DLG2: variants seen among roughly 807,000 people sequenced by gnomAD.
DLG2 encodes discs large MAGUK scaffold protein 2, also known as disks large homolog 2.
A neutral mutation model predicts 132.5 loss-of-function variants in DLG2; 45 were observed. The ratio of observed to expected loss-of-function variants is 0.34; its 90% confidence interval spans 0.27 to 0.44. DLG2 has a LOEUF of 0.44. Among genes scored for constraint, DLG2 ranks in the 20% least tolerant of loss-of-function variants. The pLI, the probability that DLG2 is intolerant of heterozygous loss-of-function variation, is 1.00. For synonymous variants in DLG2, 424 were observed against 419.6 expected, an observed-to-expected ratio of 1.01 and a Z score of -0.13; for missense variants, 1,045 against 1,196.9, an observed-to-expected ratio of 0.87 and a Z score of 1.87.
At chr11:85,192,091 C>T (rs575819659) in intron 4 of DLG2, among the ~76,000 whole-genome samples, 7 of 152,244 alleles carry the variant, frequency 4.6e-5, no homozygotes, top group Middle Eastern at 3.4e-3. Flanking sequence ...CAAATTTACA[C>T]GCTTATCATG....
intron 3 of DLG2, among the ~76,000 whole-genome samples, chr11:85,455,457 T>C (rs1442405145): frequency 2.0e-5 from 3 of 152,204 alleles, no homozygotes; most frequent in Admixed American, 2.0e-4. Flanking sequence ...TATTGAATCA[T>C]GTCATCTGCA....
At chr11:85,382,482 A>G (rs1430442083) in intron 3 of DLG2, among the ~76,000 whole-genome samples, 1 of 152,096 alleles carries the variant, frequency 6.6e-6, no homozygotes, top group Non-Finnish European at 1.5e-5. Context: ...GACACATCAA[A>G]AGCATAAGCA....
chr11:85,033,885 T>C (rs1026951384), intron 6 of DLG2, among the ~76,000 whole-genome samples: 2 of 152,144 alleles, frequency 1.3e-5, no homozygotes, highest in Non-Finnish European at 1.5e-5. Context: ...TCGTTAGATA[T>C]GTGAAAGAAT....
At chr11:84,267,763 T>C (rs886799940) in intron 7 of DLG2, among the ~76,000 whole-genome samples, 5 of 152,342 alleles carry the variant, frequency 3.3e-5, no homozygotes, top group Admixed American at 1.3e-4. Context: ...CTACATTTGT[T>C]TCATTCTTTT....
At chr11:84,846,571 C>G (rs73514991) in intron 6 of DLG2, among the ~76,000 whole-genome samples, 1,601 of 152,240 alleles carry the variant, frequency 0.011, 24 homozygotes, top group African/African-American at 0.036. Flanking sequence ...AATCCATTCT[C>G]TCCCTAGCAA....
chr11:83,606,605 C>T (rs2059361789), intron 19 of DLG2, among the ~76,000 whole-genome samples: 1 of 150,918 alleles, frequency 6.6e-6, no homozygotes, highest in Non-Finnish European at 1.5e-5. Flanking sequence ...AGAGCTACTG[C>T]TACTTGAAAA....
chr11:83,620,738 C>T (rs1391187196), intron 19 of DLG2, among the ~76,000 whole-genome samples: 1 of 149,978 alleles, frequency 6.7e-6, no homozygotes, highest in Non-Finnish European at 1.5e-5. Context: ...GGCGTAGTGG[C>T]GGGCGCCTGT....
chr11:83,862,794 A>G (rs2061663782), intron 16 of DLG2, among the ~76,000 whole-genome samples: 1 of 152,140 alleles, frequency 6.6e-6, no homozygotes, highest in Non-Finnish European at 1.5e-5. Flanking sequence ...ATTGGCTAGA[A>G]GTGGAGAAAA....
intron 10 of DLG2, among the ~76,000 whole-genome samples, chr11:84,082,721 A>C (rs1432757289): frequency 6.6e-6 from 1 of 152,230 alleles, no homozygotes; most frequent in African/African-American, 2.4e-5. Flanking sequence ...TTTTGGAGTC[A>C]AACAGACTGA....
chr11:85,395,926 G>T (rs2087311324), intron 3 of DLG2, among the ~76,000 whole-genome samples: 1 of 152,192 alleles, frequency 6.6e-6, no homozygotes, highest in African/African-American at 2.4e-5. Context: ...CTCTCAGCAT[G>T]GGGTTTGAGC....
chr11:84,028,151 C>CA (rs1023591712), intron 11 of DLG2, among the ~76,000 whole-genome samples: 3 of 151,254 alleles, frequency 2.0e-5, no homozygotes, highest in South Asian at 2.1e-4. Flanking sequence ...ATAACAGCAA[C>CA]AAAAAATCTC....
chr11:83,759,151 A>T (rs1247734817), intron 18 of DLG2, among the ~76,000 whole-genome samples: 1 of 152,252 alleles, frequency 6.6e-6, no homozygotes, highest in African/African-American at 2.4e-5. Context: ...GTAAAAAGTC[A>T]TAAGTGTCTA....
At chr11:84,871,530 T>C (rs2085458087) in intron 6 of DLG2, among the ~76,000 whole-genome samples, 1 of 152,160 alleles carries the variant, frequency 6.6e-6, no homozygotes, top group African/African-American at 2.4e-5. Flanking sequence ...CATAAGATTG[T>C]TGCTAAATAA....
At chr11:84,967,806 T>C (rs1210608686) in intron 6 of DLG2, among the ~76,000 whole-genome samples, 4 of 152,062 alleles carry the variant, frequency 2.6e-5, no homozygotes, top group Non-Finnish European at 5.9e-5. Flanking sequence ...ACACAATGAG[T>C]ACATTTTTGC....
At chr11:85,574,427 A>G (rs1264607240) in intron 3 of DLG2, among the ~76,000 whole-genome samples, 1 of 149,394 alleles carries the variant, frequency 6.7e-6, no homozygotes, top group Non-Finnish European at 1.5e-5. Context: ...GCTCAGGCAA[A>G]AAAAAAAAAA....
At chr11:85,518,368 C>A (rs1248909660) in intron 3 of DLG2, among the ~76,000 whole-genome samples, 2 of 152,176 alleles carry the variant, frequency 1.3e-5, no homozygotes, top group East Asian at 1.9e-4. Context: ...TTGTTGGGAA[C>A]TGGAGCAAAG....
intron 5 of DLG2, among the ~76,000 whole-genome samples, chr11:85,153,146 A>T (rs1189200411): frequency 6.6e-6 from 1 of 152,176 alleles, no homozygotes; most frequent in East Asian, 1.9e-4. Context: ...TTTCAGGCAC[A>T]ATAAAAAGTC....
chr11:84,167,318 C>A (rs1171376307), intron 8 of DLG2, among the ~76,000 whole-genome samples: 1 of 152,080 alleles, frequency 6.6e-6, no homozygotes, highest in Non-Finnish European at 1.5e-5. Context: ...AAGAGAGTGA[C>A]CCACAGCCAA....
chr11:84,620,595 G>A (rs923927664), intron 6 of DLG2, among the ~76,000 whole-genome samples: 4 of 151,960 alleles, frequency 2.6e-5, no homozygotes, highest in African/African-American at 7.2e-5. Flanking sequence ...TACAGAAGCA[G>A]ACACATGAAT....
Sources: gnomAD v4.1 joint callset for allele counts (sites outside exome capture counted in the v4.1 genomes callset) on GRCh38, gnomAD v4.1.1 for gene constraint, MANE v1.5 for transcripts, NCBI Gene and HGNC (gene_info 2026-07-23, HGNC 2026-07-21) for gene names.